The following TTC3 variants were observed in gnomAD, a reference collection of about 807,000 sequenced individuals.
The protein encoded by TTC3 is tetratricopeptide repeat domain 3, also known as E3 ubiquitin-protein ligase TTC3.
TTC3 carries 180 observed loss-of-function variants against 249.6 expected under a neutral mutation model. That is an observed-to-expected ratio of 0.72 (90% CI 0.64 to 0.82). The LOEUF (loss-of-function observed/expected upper bound fraction) is 0.82. Ranked by LOEUF, TTC3 falls within the 40% of genes least tolerant of loss-of-function variation. The pLI, the probability that TTC3 is intolerant of heterozygous loss-of-function variation, is 0.00. For synonymous variants in TTC3, 717 were observed against 805.0 expected (o/e 0.89, Z 1.85); for missense variants, 2,061 against 2,398.4 (o/e 0.86, Z 2.94).
chr21:37,083,356 G>C (rs1170707422), intron 1 of TTC3: 7 of 985,284 alleles, frequency 7.1e-6, no homozygotes, highest in Non-Finnish European at 8.4e-6. Context: ...CTGAAGGGAA[G>C]CTGTTGCATG....
intron 11 of TTC3, among the ~76,000 whole-genome samples, chr21:37,118,258 T>C (rs2147853582): frequency 6.6e-6 from 1 of 152,338 alleles, no homozygotes; most frequent in Admixed American, 6.5e-5. Flanking sequence ...TATGGAGTCA[T>C]ACCTCTAAGA....
chr21:37,156,997 G>C, intron 28 of TTC3, 91 bp downstream of exon 28: 1 of 1,454,862 alleles, frequency 6.9e-7, no homozygotes, highest in Non-Finnish European at 9.3e-7. Context: ...ATATAACAAA[G>C]AAAATAGTGA....
chr21:37,106,562 G>A (rs182107287), intron 10 of TTC3, among the ~76,000 whole-genome samples: 1 of 152,148 alleles, frequency 6.6e-6, no homozygotes, highest in Non-Finnish European at 1.5e-5. Context: ...TCTGGACCTG[G>A]TGTTTGTATT....
intron 41 of TTC3, 37 bp from the exon 42 acceptor site, chr21:37,195,638 G>A (rs1178166525): frequency 6.4e-7 from 1 of 1,556,576 alleles, no homozygotes. Context: ...TTCAAGGGAA[G>A]CCCTAAGTGA....
Position 37,152,389 on chromosome 21 carries a change from T to G in TTC3, c.2413+360T>G, listed in dbSNP as rs561687570. ...TAGGGGAACTAAGTTGTTTTTTTTTTTTGTTTTTTTTTTTTGAGACGGAGT... is the reference window on the plus strand; with the variant it reads ...TAGGGGAACTAAGTTGTTTTTTTTTGTTGTTTTTTTTTTTTGAGACGGAGT... On this transcript the variant is annotated intron_variant, in intron 26 of 45. Coordinates refer to ENST00000355666, the Ensembl canonical transcript of TTC3. Among the ~76,000 whole-genome samples the G allele has an allele frequency of 8.1e-3, 1,228 of 151,552 alleles. 11 individuals carry two copies. The highest frequency in any genetic ancestry group is 0.027 in the African/African-American group (1,126 of 41,260).
At chr21:37,172,073 G>A (rs1229644877) in intron 34 of TTC3, among the ~76,000 whole-genome samples, 3 of 152,120 alleles carry the variant, frequency 2.0e-5, no homozygotes, top group African/African-American at 7.2e-5. Flanking sequence ...TCTGGGTTTG[G>A]GGTTTTTTTT....
At chr21:37,126,301 T>A (rs2077041564) in intron 15 of TTC3, among the ~76,000 whole-genome samples, 158 bp downstream of exon 15, 1 of 152,236 alleles carries the variant, frequency 6.6e-6, no homozygotes, top group South Asian at 2.1e-4. Flanking sequence ...TTATTTGAAA[T>A]CAATGCTCAG....
At chr21:37,181,996 T>C (rs753599272) in intron 35 of TTC3, among the ~76,000 whole-genome samples, 11 of 152,244 alleles carry the variant, frequency 7.2e-5, no homozygotes, top group Non-Finnish European at 1.2e-4. Flanking sequence ...CCGTCATTGA[T>C]AATAGTGAGA....
At position 37,147,531 on chromosome 21, in the gene TTC3, T is replaced by G. The variant is rs147844068; in HGVS notation, c.1944T>G (p.Asp648Glu). 1.0e-4 allele frequency: 163 copies of G among 1,610,912 alleles called. No individual in the cohort carries two copies. In the Middle Eastern group the frequency reaches 1.2e-3, roughly 12 times the overall value. The stretch of plus-strand genomic sequence containing the variant: ...AATGCAAGTTCCCTCCAGTGCCAGA[T>G]GCCATTTGTTGCTATCAGAAGTGCC... The change falls in exon 22 of 46, where the codon GAT becomes GAG. Residue 648 changes from aspartate (D) to glutamate (E), a missense_variant. This residue lies in a region of TTC3 where 989 missense variants were observed against 1,145.1 expected (regional missense o/e 0.86). Coordinates refer to ENST00000355666, the Ensembl canonical transcript of TTC3.
At chr21:37,140,276 A>G (rs1190246810) in intron 19 of TTC3, among the ~76,000 whole-genome samples, 1 of 152,190 alleles carries the variant, frequency 6.6e-6, no homozygotes, top group African/African-American at 2.4e-5. Context: ...TCTTTTTAGT[A>G]TTAGCCAGCA....
At chr21:37,198,730 C>A (rs539917659) in intron 44 of TTC3, among the ~76,000 whole-genome samples, 11 of 152,210 alleles carry the variant, frequency 7.2e-5, no homozygotes, top group African/African-American at 2.6e-4. Flanking sequence ...ATCAGTATTA[C>A]CACTTTGGTA....
chr21:37,153,458 T>G (rs2079683250), intron 27 of TTC3, 181 bp downstream of exon 27: 1 of 601,018 alleles, frequency 1.7e-6, no homozygotes, highest in African/African-American at 1.9e-5. Flanking sequence ...GATGATTGCT[T>G]AATCTCAGGA....
intron 17 of TTC3, 38 bp downstream of exon 17, chr21:37,132,804 C>G: frequency 6.7e-7 from 1 of 1,497,088 alleles, no homozygotes; most frequent in Non-Finnish European, 9.1e-7. Context: ...AAGCAAAACT[C>G]TTTGAACAAA....
At chr21:37,108,502 A>G in intron 11 of TTC3, 56 bp downstream of exon 11, 1 of 1,519,884 alleles carries the variant, frequency 6.6e-7, no homozygotes, top group Non-Finnish European at 9.0e-7. Context: ...CATTGTGAAA[A>G]ATCTGTTTAT....
At chr21:37,183,174 T>C (rs2082914167) in intron 36 of TTC3, among the ~76,000 whole-genome samples, 1 of 152,222 alleles carries the variant, frequency 6.6e-6, no homozygotes, top group African/African-American at 2.4e-5. Context: ...AGGAACTGAC[T>C]TCCTTCCAGT....
intron 21 of TTC3, among the ~76,000 whole-genome samples, chr21:37,146,384 TG>T (rs1313459960): frequency 6.6e-6 from 1 of 151,966 alleles, no homozygotes; most frequent in Non-Finnish European, 1.5e-5. Context: ...CCAAACATAG[TG>T]GCACATGCCT....
At position 37,074,738 on chromosome 21, in the gene TTC3, C is replaced by G. The variant is rs181949190; in HGVS notation, c.-12+1374C>G. ...ATACCTAGGGTAAGAAACTTCAAAC[C>G]CCTTAGAGACCCAGCTACTGCTCCG... On this transcript the variant is annotated intron_variant, in intron 1 of 45. Coordinates refer to ENST00000355666, the Ensembl canonical transcript of TTC3. Among the ~76,000 whole-genome samples, 8 of 152,228 alleles carry G rather than the reference C, an allele frequency of 5.3e-5. No homozygotes were observed. The East Asian group carries it at 1.5e-3, about 29-fold the overall frequency.
chr21:37,107,478 G>C (rs1388932266), intron 10 of TTC3, among the ~76,000 whole-genome samples: 1 of 152,142 alleles, frequency 6.6e-6, no homozygotes, highest in Non-Finnish European at 1.5e-5. Flanking sequence ...ATAGACTGTG[G>C]TATGGATCTG....
At chr21:37,200,833 G>A (rs1477433076) in intron 45 of TTC3, among the ~76,000 whole-genome samples, 1 of 152,214 alleles carries the variant, frequency 6.6e-6, no homozygotes, top group Non-Finnish European at 1.5e-5. Flanking sequence ...CTGCTGCTGG[G>A]TTAGAACAGA....
Sources: gnomAD v4.1 joint callset for allele counts (sites outside exome capture counted in the v4.1 genomes callset) on GRCh38, gnomAD v4.1.1 for gene constraint, gnomAD v4.1.1 regional missense constraint, MANE v1.5 for transcripts, NCBI Gene and HGNC (gene_info 2026-07-23, HGNC 2026-07-21) for gene names.